CAGE1: variants seen among roughly 807,000 people sequenced by gnomAD.
CAGE1 encodes cancer antigen 1.
CAGE1 carries 66 observed loss-of-function variants against 94.9 expected under a neutral mutation model. That is an observed-to-expected ratio of 0.70 (90% CI 0.57 to 0.85). The LOEUF (loss-of-function observed/expected upper bound fraction) is 0.85, where lower values mean the gene tolerates loss of function less well. Ranked by LOEUF, CAGE1 falls within the 40% of genes least tolerant of loss-of-function variation. The pLI is 0.00. For missense variants in CAGE1, 865 were observed against 950.4 expected (o/e 0.91, Z 1.18); for synonymous variants, 319 against 321.0 (o/e 0.99, Z 0.07).
At position 7,389,302 on chromosome 6, in the gene CAGE1, T is replaced by G. The variant is rs924814121; in HGVS notation, c.-124A>C. On this transcript the variant is annotated 5_prime_UTR_variant, in exon 1 of 14. Transcript: ENST00000502583. ...GCTCACTTCCAGGATCCATAGTTTC[T>G]TGGACCCACGCTACGGACCTGGCTC... 4.6e-5 allele frequency: 21 copies of G among 456,188 alleles called. No individual in the cohort carries two copies. Among genetic ancestry groups the G allele is most frequent in the Non-Finnish European group, 9.3e-5 (21 of 226,968 alleles). 28.3% of individuals were successfully genotyped at this position (456,188 alleles called of 1,614,324 possible).
At chr6:7,352,420 C>T (rs1426725440) in intron 11 of CAGE1, among the ~76,000 whole-genome samples, 1 of 151,750 alleles carries the variant, frequency 6.6e-6, no homozygotes, top group Non-Finnish European at 1.5e-5. Context: ...GAAACACACC[C>T]CATGCTCATG....
At chr6:7,344,250 T>C (rs976601946) in intron 11 of CAGE1, among the ~76,000 whole-genome samples, 1 of 152,108 alleles carries the variant, frequency 6.6e-6, no homozygotes, top group African/African-American at 2.4e-5. Context: ...GGGCTGGGCG[T>C]GGCGCTTGCG....
At chr6:7,347,073 C>T (rs973979121) in intron 11 of CAGE1, among the ~76,000 whole-genome samples, 1 of 152,090 alleles carries the variant, frequency 6.6e-6, no homozygotes, top group Non-Finnish European at 1.5e-5. Flanking sequence ...CTGGGGCAAT[C>T]CTCATGGTGG....
At chr6:7,357,777 T>C (rs572313404) in intron 9 of CAGE1, among the ~76,000 whole-genome samples, 26 of 151,790 alleles carry the variant, frequency 1.7e-4, no homozygotes, top group South Asian at 6.3e-4. Flanking sequence ...AAATTTTTGT[T>C]GTTGTTGTTT....
At chr6:7,345,265 C>T (rs972129474) in intron 11 of CAGE1, among the ~76,000 whole-genome samples, 5 of 152,148 alleles carry the variant, frequency 3.3e-5, no homozygotes, top group Non-Finnish European at 4.4e-5. Flanking sequence ...GACACGCTAC[C>T]TTAAGAGTTG....
intron 11 of CAGE1, among the ~76,000 whole-genome samples, 155 bp downstream of exon 11, chr6:7,354,886 T>C (rs1352191350): frequency 1.3e-5 from 2 of 152,166 alleles, no homozygotes; most frequent in Non-Finnish European, 2.9e-5. Context: ...GTCCAGACAT[T>C]AAGCAGTCTA....
Position 7,377,148 on chromosome 6 carries a change from AG to A in CAGE1, c.687+1468del, listed in dbSNP as rs375566561. Among the ~76,000 whole-genome samples, 225 of 152,336 alleles carry A rather than the reference AG, an allele frequency of 1.5e-3. 8 individuals are homozygous for A. The South Asian group carries it at 0.042, about 28-fold the overall frequency. ...GTAGGATGCTGTCTTCATGAGGACA[AG>A]AACTACATCTTTTTGTCTATTTTCT... On this transcript the variant is annotated intron_variant, in intron 4 of 13. Coordinates refer to ENST00000502583, the MANE Select transcript of CAGE1 (RefSeq NM_001170692.2).
At chr6:7,342,781 T>C (rs1759234357) in intron 11 of CAGE1, among the ~76,000 whole-genome samples, 1 of 152,178 alleles carries the variant, frequency 6.6e-6, no homozygotes, top group Admixed American at 6.5e-5. Context: ...TGGTTTCAGG[T>C]CTTAGATTTA....
intron 12 of CAGE1, among the ~76,000 whole-genome samples, chr6:7,332,125 T>A (rs1276203761): frequency 2.0e-5 from 3 of 152,232 alleles, no homozygotes; most frequent in Non-Finnish European, 4.4e-5. Context: ...TTCAGGTCTG[T>A]AGCTGATGGA....
intron 11 of CAGE1, among the ~76,000 whole-genome samples, chr6:7,344,361 G>C (rs951209147): frequency 6.6e-6 from 1 of 152,256 alleles, no homozygotes; most frequent in South Asian, 2.1e-4. Context: ...TAGCACCCGG[G>C]CCAGCGGCTG....
chr6:7,335,884 G>A (rs905056891), intron 11 of CAGE1, among the ~76,000 whole-genome samples: 3 of 152,130 alleles, frequency 2.0e-5, no homozygotes, highest in Non-Finnish European at 4.4e-5. Flanking sequence ...GCCTACTTTT[G>A]TTTTTAAAGA....
chr6:7,384,502 G>C (rs6908518), intron 3 of CAGE1, among the ~76,000 whole-genome samples: 65,957 of 151,046 alleles, frequency 0.44, 14,888 homozygotes, highest in African/African-American at 0.56. Flanking sequence ...TGTGGTGGCT[G>C]ATACCTGTAA....
At chr6:7,357,241 C>T (rs1355405047) in intron 9 of CAGE1, among the ~76,000 whole-genome samples, 1 of 152,204 alleles carries the variant, frequency 6.6e-6, no homozygotes, top group Non-Finnish European at 1.5e-5. Flanking sequence ...GGTCCCACTT[C>T]TCTAACAACA....
At chr6:7,360,470 C>T (rs576229957) in intron 9 of CAGE1, among the ~76,000 whole-genome samples, 40 of 152,302 alleles carry the variant, frequency 2.6e-4, no homozygotes, top group African/African-American at 9.4e-4. Context: ...GGTTGTCTTA[C>T]ACTCTGATAG....
intron 12 of CAGE1, chr6:7,331,807 G>C (rs144920838): frequency 6.5e-6 from 1 of 154,268 alleles, no homozygotes; most frequent in Non-Finnish European, 1.4e-5. Context: ...ATGGGCCTCC[G>C]ATTTTCAAAA....
At chr6:7,388,087 C>T (rs1387675065) in intron 1 of CAGE1, among the ~76,000 whole-genome samples, 1 of 151,524 alleles carries the variant, frequency 6.6e-6, no homozygotes, top group Non-Finnish European at 1.5e-5. Flanking sequence ...TCTTTCCATC[C>T]CATGTTGCCA....
chr6:7,384,725 T>C (rs1314687757), intron 3 of CAGE1, among the ~76,000 whole-genome samples: 1 of 152,010 alleles, frequency 6.6e-6, no homozygotes, highest in East Asian at 1.9e-4. Flanking sequence ...CTCTCTTTTT[T>C]TTTTTTGAGA....
At chr6:7,359,905 A>G (rs1292016832) in intron 9 of CAGE1, among the ~76,000 whole-genome samples, 1 of 152,212 alleles carries the variant, frequency 6.6e-6, no homozygotes, top group Non-Finnish European at 1.5e-5. Flanking sequence ...CAAAGTGATT[A>G]TCTTATAGTT....
intron 6 of CAGE1, among the ~76,000 whole-genome samples, chr6:7,369,683 A>G (rs1760475166): frequency 6.6e-6 from 1 of 152,204 alleles, no homozygotes; most frequent in South Asian, 2.1e-4. Flanking sequence ...GGTTCTTTTT[A>G]TCTTATTACA....
Sources: gnomAD v4.1 joint callset for allele counts (sites outside exome capture counted in the v4.1 genomes callset) on GRCh38, gnomAD v4.1.1 for gene constraint, MANE v1.5 for transcripts, NCBI Gene and HGNC (gene_info 2026-07-23, HGNC 2026-07-21) for gene names.